The following WIPF2 variants were observed in gnomAD, a reference collection of about 807,000 sequenced individuals.
The protein encoded by WIPF2 is WAS/WASL interacting protein family member 2.
WIPF2 carries 23 observed loss-of-function variants against 38.8 expected under a neutral mutation model. The ratio of observed to expected loss-of-function variants is 0.59; its 90% confidence interval spans 0.43 to 0.84. WIPF2 has a LOEUF of 0.84. Ranked by LOEUF, WIPF2 falls within the 40% of genes least tolerant of loss-of-function variation. The pLI, the probability that WIPF2 is intolerant of heterozygous loss-of-function variation, is 0.00. For missense variants in WIPF2, 574 were observed against 580.5 expected, an observed-to-expected ratio of 0.99 and a Z score of 0.11; for synonymous variants, 210 against 223.2, an observed-to-expected ratio of 0.94 and a Z score of 0.53.
At chr17:40,234,174 C>T (rs1295150959) in intron 1 of WIPF2, among the ~76,000 whole-genome samples, 2 of 152,156 alleles carry the variant, frequency 1.3e-5, no homozygotes, top group African/African-American at 4.8e-5. Context: ...TGAGACCATC[C>T]TGGCCAACAT....
intron 1 of WIPF2, among the ~76,000 whole-genome samples, chr17:40,230,042 A>T (rs946973971): frequency 6.6e-6 from 1 of 152,180 alleles, no homozygotes; most frequent in African/African-American, 2.4e-5. Flanking sequence ...AGCTGTCCTA[A>T]AAAATGGGTA....
At chr17:40,229,978 C>T (rs1355940833) in intron 1 of WIPF2, among the ~76,000 whole-genome samples, 1 of 152,076 alleles carries the variant, frequency 6.6e-6, no homozygotes, top group African/African-American at 2.4e-5. Context: ...TCCAGTGTGG[C>T]TGGAGCTTAG....
rs543019825 is a variant in WIPF2, at chr17:40,281,030, GCTT to G, written c.*2808_*2810del. 6.6e-6 allele frequency: 1 copy of G among 152,600 alleles called. No homozygotes were observed. The highest frequency in any genetic ancestry group is 2.1e-4 in the South Asian group (1 of 4,832). The allele number at this position is 152,600 out of a possible 1,614,324, so 9.5% of individuals were successfully genotyped here. A position where few individuals can be genotyped will look rare whatever the true frequency, so the allele number is the denominator to read the frequency against. The stretch of plus-strand genomic sequence containing the variant: ...CAGTCTATTTTGTATGTTGTAAAAA[GCTT>G]CTAATTTAGGTTTAAGGTGGGCTGG... On this transcript the variant is annotated 3_prime_UTR_variant, in exon 8 of 8. Coordinates refer to ENST00000323571, the MANE Select transcript of WIPF2 (RefSeq NM_133264.5).
At position 40,256,367 on chromosome 17, in the gene WIPF2, A is replaced by C. The variant is rs1304960896; in HGVS notation, c.-69-24A>C. The C allele has an allele frequency of 2.6e-6, 4 of 1,546,676 alleles. No individual in the cohort carries two copies. The African/African-American group carries it at 4.3e-5, about 16-fold the overall frequency. On this transcript the variant is annotated intron_variant, in intron 1 of 7. Transcript: ENST00000323571. ...TGTATCTAATGGTAAAGCTGTTCTT[A>C]ATGAGTTTCTTTTTCATTTGCAGGT... is the stretch of plus-strand genomic sequence containing the variant.
rs535258202 is a variant in WIPF2, at chr17:40,255,739, C to G, written c.-69-652C>G. ...CGCCTCCTGGTTTCACGCCATTCTC[C>G]TGCCTCAGCCTCCCGAGTAGCTGGG... On this transcript the variant is annotated intron_variant, in intron 1 of 7. Transcript: ENST00000323571. Among the ~76,000 whole-genome samples the G allele has an allele frequency of 2.6e-5, 4 of 151,880 alleles. No individual in the cohort carries two copies. In the East Asian group the frequency reaches 7.7e-4, roughly 29 times the overall value.
intron 5 of WIPF2, chr17:40,273,585 G>C: frequency 1.8e-6 from 1 of 545,952 alleles, no homozygotes; most frequent in Non-Finnish European, 3.3e-6. Context: ...TGACTGACTG[G>C]TAGGAAATGT....
chr17:40,231,425 CTTTTTT>C (rs869080815), intron 1 of WIPF2, among the ~76,000 whole-genome samples: 2 of 136,332 alleles, frequency 1.5e-5, no homozygotes, highest in African/African-American at 5.4e-5. Context: ...GCTTTTCTAC[CTTTTTT>C]TTTTTTTTTT....
In WIPF2 at chr17:40,277,723, C is replaced by CTTTTTTTTTTTTT. The variant is rs528401568; in HGVS notation, c.1283-455_1283-443dup. The stretch of plus-strand genomic sequence containing the variant: ...ATTGCTTCTCATCATCTTCGTTGTC[C>CTTTTTTTTTTTTT]TTTTTTTTTTTTTTTTTTTGAGATA... On this transcript the variant is annotated intron_variant, in intron 7 of 7. Transcript: ENST00000323571. Among the ~76,000 whole-genome samples, 52 of 97,612 alleles carry CTTTTTTTTTTTTT rather than the reference C, an allele frequency of 5.3e-4. 6 individuals are homozygous for CTTTTTTTTTTTTT. The highest frequency in any genetic ancestry group is 2.7e-3 in the African/African-American group (49 of 17,936). The allele number at this position is 97,612 out of a possible 152,430, so 64.0% of individuals were successfully genotyped here. A position where few individuals can be genotyped will look rare whatever the true frequency, so the allele number is the denominator to read the frequency against.
chr17:40,264,659 G>C lies in WIPF2; in HGVS notation c.483G>C (p.Arg161=). Residue 161 remains arginine (R), a synonymous_variant, in exon 5 of 8, where the codon CGG becomes CGC. Transcript: ENST00000323571. ...GACCCTCTTTACCGGACCTCTCTCG[G>C]CCTAATACCACCAGCAGTACGGGCA... ...MQRPSLPDLS[R]PNTTSSTGMK... 6.2e-7 allele frequency: 1 copy of C among 1,613,662 alleles called. No homozygotes were observed. Among genetic ancestry groups the C allele is most frequent in the Non-Finnish European group, 8.5e-7 (1 of 1,179,788 alleles).
chr17:40,264,343 A>G lies in WIPF2; in HGVS notation c.314-147A>G, dbSNP rs570457790. ...CTTCGTCTCAAAAAAAAAAAAAAAA[A>G]AAAAAAAAAAGAAAAACAAAAAACC... On this transcript the variant is annotated intron_variant, in intron 4 of 7. Coordinates refer to ENST00000323571, the MANE Select transcript of WIPF2 (RefSeq NM_133264.5). 84 of 669,194 alleles carry G rather than the reference A, an allele frequency of 1.3e-4. 1 individual carries two copies. The highest frequency in any genetic ancestry group is 8.2e-4 in the Middle Eastern group (2 of 2,426). 41.5% of individuals were successfully genotyped at this position (669,194 alleles called of 1,614,324 possible).
rs921534433 is a variant in WIPF2, at chr17:40,281,205, G to T, written c.*2980G>T. ...CTCCCTTGTCCCCCCACAGAAGGAA[G>T]AGACATTGCCCAGCTAAGCATCAGG... On this transcript the variant is annotated 3_prime_UTR_variant, in exon 8 of 8. Coordinates refer to ENST00000323571, the MANE Select transcript of WIPF2 (RefSeq NM_133264.5). The T allele has an allele frequency of 6.6e-5, 10 of 152,164 alleles. No individual in the cohort carries two copies. Among genetic ancestry groups the T allele is most frequent in the African/African-American group, 2.2e-4 (9 of 41,428 alleles). 9.4% of individuals were successfully genotyped at this position (152,164 alleles called of 1,614,324 possible). A position where few individuals can be genotyped will look rare whatever the true frequency, so the allele number is the denominator to read the frequency against.
intron 1 of WIPF2, among the ~76,000 whole-genome samples, chr17:40,241,490 C>T (rs896523719): frequency 2.0e-5 from 3 of 152,176 alleles, no homozygotes; most frequent in Non-Finnish European, 4.4e-5. Context: ...ATTAACTCCC[C>T]TCTTTAGTAT....
intron 4 of WIPF2, 56 bp downstream of exon 4, chr17:40,262,697 C>A: frequency 1.4e-6 from 2 of 1,429,132 alleles, no homozygotes; most frequent in East Asian, 4.6e-5. Flanking sequence ...TTCTGATGTC[C>A]CAAGTGGGCC....
rs555581628 is a variant in WIPF2, at chr17:40,252,543, A to G, written c.-69-3848A>G. Reference sequence around the variant, plus strand: ...GCTGGGTGTGGTGGCATGCGCCTGTAGTCCCAGCTGTTTGGGAGGTTGAGG... The same window carrying G: ...GCTGGGTGTGGTGGCATGCGCCTGTGGTCCCAGCTGTTTGGGAGGTTGAGG... On this transcript the variant is annotated intron_variant, in intron 1 of 7. Coordinates refer to ENST00000323571, the MANE Select transcript of WIPF2 (RefSeq NM_133264.5). 2.0e-5 allele frequency among the ~76,000 whole-genome samples: 3 copies of G among 151,976 alleles called. No individual in the cohort carries two copies. The South Asian group carries it at 6.2e-4, about 32-fold the overall frequency.
In WIPF2 at chr17:40,262,538, C is replaced by G. The variant is rs1197633317; in HGVS notation, c.210C>G (p.Ser70Arg). 6.2e-7 allele frequency: 1 copy of G among 1,613,820 alleles called. No individual in the cohort carries two copies. The highest frequency in any genetic ancestry group is 8.5e-7 in the Non-Finnish European group (1 of 1,179,800). ...SAPILEKPKG[S>R]SGGYGSGGAA... ...TATGCTTTCCAGAGCCGAAAGGAAG[C>G]AGTGGTGGCTATGGCTCTGGAGGAG... is the stretch of plus-strand genomic sequence containing the variant. The change falls in exon 4 of 8, where the codon AGC becomes AGG. Residue 70 changes from serine to arginine, a missense_variant. Ser to Arg is a moderately radical substitution (Grantham distance 110, BLOSUM62 -1). Transcript: ENST00000323571.
At position 40,273,805 on chromosome 17, in the gene WIPF2, C is replaced by T; in HGVS notation, c.986C>T (p.Pro329Leu). The change falls in exon 6 of 8, where the codon CCA (proline) becomes CTA (leucine). Residue 329 changes from proline (P) to leucine (L), a missense_variant. Pro to Leu is a moderately conservative substitution (Grantham distance 98, BLOSUM62 -3). Coordinates refer to ENST00000323571, the MANE Select transcript of WIPF2 (RefSeq NM_133264.5). The stretch of plus-strand genomic sequence containing the variant: ...TTAATTGCAGCTCCTCCACCCCCAC[C>T]ACCTGTGATCCGAAATGGTGCCAGG... ...PSRGAAPPPP[P>L]PVIRNGARDA... 2 of 1,607,484 alleles carry T rather than the reference C, an allele frequency of 1.2e-6. No individual in the cohort carries two copies. The highest frequency in any genetic ancestry group is 1.1e-5 in the South Asian group (1 of 90,896).
chr17:40,238,453 G>A (rs891460244), intron 1 of WIPF2, among the ~76,000 whole-genome samples: 1 of 151,666 alleles, frequency 6.6e-6, no homozygotes, highest in African/African-American at 2.4e-5. Flanking sequence ...ACAGGCACCC[G>A]CCATCATGCC....
chr17:40,277,856 A>G (rs1167750947), intron 7 of WIPF2, among the ~76,000 whole-genome samples: 2 of 151,174 alleles, frequency 1.3e-5, no homozygotes, highest in Non-Finnish European at 2.9e-5. Flanking sequence ...CCTCCCAAGT[A>G]TCTAGGATTA....
In WIPF2 at chr17:40,260,586, G is replaced by A. The variant is rs1433813283; in HGVS notation, c.115G>A (p.Ala39Thr). The change falls in exon 3 of 8, where the codon GCC (alanine) becomes ACC (threonine). Residue 39 changes from alanine to threonine, a missense_variant. By Grantham distance (58) the Ala-to-Thr change is moderately conservative. Coordinates refer to ENST00000323571, the MANE Select transcript of WIPF2 (RefSeq NM_133264.5). ...TAGAGATGAGCAGCGGGGTCGAGGC[G>A]CCCTCTTACAGGACATTTGCAAAGG... is the stretch of plus-strand genomic sequence containing the variant. Reference protein sequence around the residue: ...LSRDEQRGRGALLQDICKGTK... With the variant: ...LSRDEQRGRGTLLQDICKGTK... 9 of 1,613,708 alleles carry A rather than the reference G, an allele frequency of 5.6e-6. No individual in the cohort carries two copies. Among genetic ancestry groups the A allele is most frequent in the East Asian group, 4.5e-5 (2 of 44,854 alleles).
Sources: allele counts gnomAD v4.1 joint callset (sites outside exome capture counted in the v4.1 genomes callset), GRCh38; gene constraint gnomAD v4.1.1; transcripts MANE v1.5; gene names NCBI Gene and HGNC (gene_info 2026-07-23, HGNC 2026-07-21).